CNTN6: variants seen among roughly 807,000 people sequenced by gnomAD.
CNTN6 encodes the protein contactin-6.
Under a neutral mutation model 122.8 loss-of-function variants are expected in CNTN6, and 137 were observed. The observed-to-expected ratio is 1.12, with a 90% confidence interval of 0.97 to 1.29. The LOEUF is 1.29. CNTN6 is among the 50% of genes most tolerant of loss of function. The pLI is 0.00. For missense variants in CNTN6, 1,634 were observed against 1,223.4 expected (o/e 1.34, Z -5.01); for synonymous variants, 570 against 426.0 (o/e 1.34, Z -4.16).
At chr3:1,277,267 A>T (rs752339057) in intron 4 of CNTN6, among the ~76,000 whole-genome samples, 7 of 151,938 alleles carry the variant, frequency 4.6e-5, no homozygotes, top group Non-Finnish European at 8.8e-5. Flanking sequence ...AATAAAGGTA[A>T]AATACCTGCC....
chr3:1,244,044 A>G (rs1000800128), intron 4 of CNTN6, among the ~76,000 whole-genome samples: 11 of 152,106 alleles, frequency 7.2e-5, no homozygotes, highest in Non-Finnish European at 1.6e-4. Flanking sequence ...TTTTCGACAA[A>G]AATTATTTAG....
chr3:1,298,241 A>G (rs945391077), intron 7 of CNTN6: 5 of 397,294 alleles, frequency 1.3e-5, no homozygotes, highest in African/African-American at 6.1e-5. Flanking sequence ...TAGTTTAAGC[A>G]TAATGAGACC....
At position 1,385,711 on chromosome 3, in the gene CNTN6, C is replaced by T; in HGVS notation, c.2618C>T (p.Thr873Ile). ...TKNITGLKAN[T>I]IYFASVRAYN... ...AACATCACGGGGCTGAAAGCTAATA[C>T]CATCTACTTTGCTTCCGTAAGAGCT... Residue 873 changes from threonine to isoleucine, a missense_variant, in exon 20 of 23, where the codon ACC (threonine) becomes ATC (isoleucine). Transcript: ENST00000446702. 3 of 1,614,042 alleles carry T rather than the reference C, an allele frequency of 1.9e-6. No homozygotes were observed. The highest frequency in any genetic ancestry group is 2.5e-6 in the Non-Finnish European group (3 of 1,179,944).
chr3:1,286,621 TA>T (rs1694389601), intron 5 of CNTN6, among the ~76,000 whole-genome samples: 1 of 152,186 alleles, frequency 6.6e-6, no homozygotes, highest in African/African-American at 2.4e-5. Flanking sequence ...TAGATAGACA[TA>T]ATATCCAGTC....
chr3:1,305,791 T>G (rs1698264279), intron 7 of CNTN6, among the ~76,000 whole-genome samples: 1 of 152,180 alleles, frequency 6.6e-6, no homozygotes, highest in South Asian at 2.1e-4. Flanking sequence ...TATATTTATG[T>G]GTACATGTAT....
intron 20 of CNTN6, among the ~76,000 whole-genome samples, chr3:1,400,168 T>C (rs553863538): frequency 6.6e-6 from 1 of 152,226 alleles, no homozygotes; most frequent in African/African-American, 2.4e-5. Context: ...GCCTCACAAA[T>C]TCAAAAGAGA....
chr3:1,385,565 G>C, intron 19 of CNTN6, 46 bp from the exon 20 acceptor site: 1 of 1,461,534 alleles, frequency 6.8e-7, no homozygotes, highest in Non-Finnish European at 9.4e-7. Context: ...ATGATTGATA[G>C]TTATTGGGGA....
intron 2 of CNTN6, among the ~76,000 whole-genome samples, chr3:1,215,424 T>G (rs2094116855): frequency 6.6e-6 from 1 of 152,218 alleles, no homozygotes; most frequent in South Asian, 2.1e-4. Flanking sequence ...TGGGTATCTG[T>G]TTTGTTGCTT....
At chr3:1,285,363 T>C (rs1228953503) in intron 5 of CNTN6, among the ~76,000 whole-genome samples, 1 of 152,068 alleles carries the variant, frequency 6.6e-6, no homozygotes, top group Non-Finnish European at 1.5e-5. Flanking sequence ...ATGGAGTAAA[T>C]CAGGAATTTG....
At chr3:1,277,882 A>G (rs1381132118) in intron 4 of CNTN6, among the ~76,000 whole-genome samples, 2 of 152,180 alleles carry the variant, frequency 1.3e-5, no homozygotes, top group Admixed American at 6.5e-5. Context: ...CACATTCCAA[A>G]TAAGATCATG....
chr3:1,208,339 A>G (rs2093985549), intron 2 of CNTN6, among the ~76,000 whole-genome samples: 1 of 151,576 alleles, frequency 6.6e-6, no homozygotes. Flanking sequence ...ATTCTTTTGA[A>G]TGACAGGTAT....
At chr3:1,234,177 C>T (rs1415444642) in intron 4 of CNTN6, among the ~76,000 whole-genome samples, 1 of 152,142 alleles carries the variant, frequency 6.6e-6, no homozygotes, top group Non-Finnish European at 1.5e-5. Context: ...GAATTTCTAA[C>T]ATTTCCTTCT....
chr3:1,302,648 G>C (rs1369030105), intron 7 of CNTN6, among the ~76,000 whole-genome samples: 1 of 152,050 alleles, frequency 6.6e-6, no homozygotes, highest in Non-Finnish European at 1.5e-5. Flanking sequence ...TTAAATGTTT[G>C]TTTAATGTAC....
chr3:1,343,924 C>A (rs1282724763), intron 11 of CNTN6, among the ~76,000 whole-genome samples: 2 of 152,082 alleles, frequency 1.3e-5, no homozygotes, highest in African/African-American at 4.8e-5. Flanking sequence ...CTGCCTCAAA[C>A]AAACCTTAGC....
At chr3:1,290,411 G>T (rs960850244) in intron 5 of CNTN6, among the ~76,000 whole-genome samples, 3 of 152,146 alleles carry the variant, frequency 2.0e-5, no homozygotes, top group African/African-American at 7.2e-5. Flanking sequence ...GTGGAGCTTG[G>T]GAGTTTTGAA....
intron 1 of CNTN6, among the ~76,000 whole-genome samples, chr3:1,103,848 G>C (rs1209674071): frequency 6.6e-6 from 1 of 152,024 alleles, no homozygotes; most frequent in Non-Finnish European, 1.5e-5. Context: ...AATAATGTTA[G>C]TCTTTGAGTA....
At chr3:1,267,045 A>T (rs2094937698) in intron 4 of CNTN6, among the ~76,000 whole-genome samples, 2 of 144,924 alleles carry the variant, frequency 1.4e-5, no homozygotes, top group African/African-American at 5.2e-5. Flanking sequence ...CCTCCCAGGT[A>T]GCTGGGACTA....
rs1709428120 is a variant in CNTN6, at chr3:1,373,649, G to A, written c.1832G>A (p.Ser611Asn). 1 of 1,612,644 alleles carries A rather than the reference G, an allele frequency of 6.2e-7. No individual in the cohort carries two copies. The highest frequency in any genetic ancestry group is 1.1e-5 in the South Asian group (1 of 91,022). Residue 611 changes from serine to asparagine, a missense_variant, in exon 15 of 23, where the codon AGT (serine) becomes AAT (asparagine). Coordinates refer to ENST00000446702, the MANE Select transcript of CNTN6 (RefSeq NM_001289080.2). The stretch of plus-strand genomic sequence containing the variant: ...GATGTGCAAGTGGAAGACATTTCCA[G>A]TACTACTTCTCAACTAAGTTGGAGA... ...PEDVQVEDIS[S>N]TTSQLSWRAG... is the part of the protein sequence containing the mutation.
At chr3:1,390,637 G>C (rs1693984629) in intron 20 of CNTN6, among the ~76,000 whole-genome samples, 1 of 151,914 alleles carries the variant, frequency 6.6e-6, no homozygotes, top group African/African-American at 2.4e-5. Context: ...TTTTTGAAAG[G>C]ATCAACAAAA....
Sources: gnomAD v4.1 joint callset for allele counts (sites outside exome capture counted in the v4.1 genomes callset) on GRCh38, gnomAD v4.1.1 for gene constraint, MANE v1.5 for transcripts, NCBI Gene and HGNC (gene_info 2026-07-23, HGNC 2026-07-21) for gene names.